The following HEPHL1 variants were observed in gnomAD, a reference collection of about 807,000 sequenced individuals.
HEPHL1 encodes the protein ferroxidase HEPHL1.
HEPHL1 carries 123 observed loss-of-function variants against 122.0 expected under a neutral mutation model. That is an observed-to-expected ratio of 1.01 (90% confidence interval 0.87 to 1.17). The LOEUF (loss-of-function observed/expected upper bound fraction) is 1.17, where lower values mean the gene tolerates loss of function less well. Among genes scored for constraint, HEPHL1 ranks in the 50% most tolerant of loss-of-function variants. The pLI is 0.00. For synonymous variants in HEPHL1, 527 were observed against 508.9 expected (o/e 1.04, Z -0.48); for missense variants, 1,452 against 1,430.5 (o/e 1.01, Z -0.24).
intron 2 of HEPHL1, among the ~76,000 whole-genome samples, chr11:94,053,430 A>AT (rs1046327184): frequency 6.7e-6 from 1 of 149,810 alleles, no homozygotes; most frequent in Non-Finnish European, 1.5e-5. Context: ...TCTATTTTGT[A>AT]TTTTTTTTCT....
rs535406365 is a variant in HEPHL1, at chr11:94,095,189, G to A, written c.2434+1549G>A. Among the ~76,000 whole-genome samples the A allele has an allele frequency of 4.8e-3, 737 of 152,278 alleles. 6 individuals carry two copies. The highest frequency in any genetic ancestry group is 0.017 in the Middle Eastern group (5 of 294). Reference sequence around the variant, plus strand: ...ATTTTTGTATAAGGTGTAAGGAAGGGATCCAGTTTCAGCTTTCTACATATG... The same window carrying A: ...ATTTTTGTATAAGGTGTAAGGAAGGAATCCAGTTTCAGCTTTCTACATATG... On this transcript the variant is annotated intron_variant, in intron 13 of 19. Transcript: ENST00000315765.
intron 2 of HEPHL1, chr11:94,055,216 A>C (rs753117760): frequency 1.1e-5 from 3 of 266,220 alleles, no homozygotes; most frequent in Non-Finnish European, 2.3e-5. Context: ...GATGATGGCC[A>C]CCTTTTTCTG....
In HEPHL1 at chr11:94,114,068, T is replaced by C. The variant is rs145096925; in HGVS notation, c.*2174T>C. Among the ~76,000 whole-genome samples the C allele has an allele frequency of 5.8e-3, 883 of 152,328 alleles. 11 individuals are homozygous for C. The highest frequency in any genetic ancestry group is 0.02 in the African/African-American group (821 of 41,578). On this transcript the variant is annotated 3_prime_UTR_variant, in exon 20 of 20. Transcript: ENST00000315765. ...GACAGTCTCTTCATTTGACTTTGGG[T>C]CTCATTGCTTCTTGCTTTCTCAAGA...
intron 2 of HEPHL1, among the ~76,000 whole-genome samples, chr11:94,050,571 T>A (rs924049570): frequency 5.9e-5 from 9 of 152,150 alleles, no homozygotes; most frequent in African/African-American, 2.2e-4. Flanking sequence ...ATGGGTTGCA[T>A]GAGATATTTT....
intron 11 of HEPHL1, 40 bp downstream of exon 11, chr11:94,086,229 C>T (rs1311877884): frequency 2.1e-6 from 3 of 1,458,384 alleles, no homozygotes; most frequent in African/African-American, 1.4e-5. Flanking sequence ...CAGATTTCTA[C>T]CTTCAGGCTC....
intron 17 of HEPHL1, among the ~76,000 whole-genome samples, chr11:94,110,682 G>T (rs1194210818): frequency 6.6e-6 from 1 of 152,186 alleles, no homozygotes; most frequent in Admixed American, 6.5e-5. Flanking sequence ...CATCATGGAA[G>T]CTGGCTACTA....
rs1342384751 is a variant in HEPHL1 at position 94,073,447 on chromosome 11, T to G, written c.1504+8T>G. The G allele has an allele frequency of 1.9e-6, 3 of 1,551,954 alleles. No individual in the cohort carries two copies. The highest frequency in any genetic ancestry group is 2.6e-6 in the Non-Finnish European group (3 of 1,146,846). On this transcript the variant is annotated splice_region_variant and intron_variant, in intron 8 of 19. Coordinates refer to ENST00000315765, the MANE Select transcript of HEPHL1 (RefSeq NM_001098672.2). ...CAGCCCCAAACCTAGATGGTAAGTCTCACTCTGGGCTTAGGGAGGAAACAG... is the reference window on the plus strand; with the variant it reads ...CAGCCCCAAACCTAGATGGTAAGTCGCACTCTGGGCTTAGGGAGGAAACAG...
chr11:94,088,492 A>G lies in HEPHL1; in HGVS notation c.2081-263A>G, dbSNP rs562071213. On this transcript the variant is annotated intron_variant, in intron 11 of 19. Coordinates refer to ENST00000315765, the MANE Select transcript of HEPHL1 (RefSeq NM_001098672.2). Reference sequence around the variant, plus strand: ...TGTGAATTATATGGGAGACCCAGAAAAGTCATTTCTTGGTAGCAATATTGT... The same window carrying G: ...TGTGAATTATATGGGAGACCCAGAAGAGTCATTTCTTGGTAGCAATATTGT... Among the ~76,000 whole-genome samples the G allele has an allele frequency of 8.5e-5, 13 of 152,184 alleles. No homozygotes were observed. In the South Asian group the frequency reaches 2.7e-3, roughly 32 times the overall value.
At chr11:94,032,921 G>T (rs956657795) in intron 1 of HEPHL1, among the ~76,000 whole-genome samples, 1 of 152,108 alleles carries the variant, frequency 6.6e-6, no homozygotes, top group Non-Finnish European at 1.5e-5. Context: ...AATGCCTCAC[G>T]TGAGCATGCG....
At position 94,086,046 on chromosome 11, in the gene HEPHL1, A is replaced by C. The variant is rs1437933991; in HGVS notation, c.1937A>C (p.His646Pro). The part of the protein sequence containing the change: ...NMCKRDRVSW[H>P]LIGLGTDTDM... ...TGTAAAAGGGATAGAGTTTCCTGGC[A>C]TCTGATTGGATTGGGCACTGACACT... The change falls in exon 11 of 20, where the codon CAT (histidine) becomes CCT (proline). Residue 646 changes from histidine (H) to proline (P), a missense_variant. His to Pro is a moderately conservative substitution (Grantham distance 77). Coordinates refer to ENST00000315765, the MANE Select transcript of HEPHL1 (RefSeq NM_001098672.2). 6.2e-7 allele frequency: 1 copy of C among 1,613,792 alleles called. No homozygotes were observed. The highest frequency in any genetic ancestry group is 2.2e-5 in the East Asian group (1 of 44,882).
intron 1 of HEPHL1, among the ~76,000 whole-genome samples, chr11:94,045,114 C>T (rs1231512790): frequency 1.3e-5 from 2 of 152,114 alleles, no homozygotes; most frequent in Non-Finnish European, 2.9e-5. Flanking sequence ...CACTATGTTG[C>T]CCAGGCTGGT....
intron 5 of HEPHL1, 43 bp downstream of exon 5, chr11:94,067,793 C>T (rs1262955129): frequency 6.3e-7 from 1 of 1,586,872 alleles, no homozygotes; most frequent in Admixed American, 1.7e-5. Flanking sequence ...TAGAATGGTA[C>T]AATCAAACCA....
rs372244115 is a variant in HEPHL1, at chr11:94,093,621, G to A, written c.2415G>A (p.Glu805=). ...FVEIKARPPR[E]EHLELLGPMI... is the part of the protein sequence containing the mutation. ...AGATCAAAGCCCGACCACCACGAGAGGAGCACTTAGAACTCCTGGGTATGG... is the reference window on the plus strand; with the variant it reads ...AGATCAAAGCCCGACCACCACGAGAAGAGCACTTAGAACTCCTGGGTATGG... Residue 805 remains glutamate (E), a synonymous_variant, in exon 13 of 20, where the codon GAG becomes GAA. Coordinates refer to ENST00000315765, the MANE Select transcript of HEPHL1 (RefSeq NM_001098672.2). 5.5e-5 allele frequency: 89 copies of A among 1,613,314 alleles called. No individual in the cohort carries two copies. Among genetic ancestry groups the A allele is most frequent in the Non-Finnish European group, 7.0e-5 (83 of 1,179,764 alleles).
chr11:94,093,773 T>C, intron 13 of HEPHL1, 133 bp downstream of exon 13: 1 of 1,009,476 alleles, frequency 9.9e-7, no homozygotes, highest in Non-Finnish European at 1.4e-6. Context: ...CCTCCAAGTG[T>C]AATATCTTCC....
intron 9 of HEPHL1, among the ~76,000 whole-genome samples, chr11:94,077,013 G>A (rs747957201): frequency 9.2e-5 from 14 of 152,136 alleles, no homozygotes; most frequent in Non-Finnish European, 2.1e-4. Context: ...AATTTACAAA[G>A]AATCTTCATG....
chr11:94,100,721 GT>G (rs1422014321), intron 13 of HEPHL1, among the ~76,000 whole-genome samples: 1 of 151,972 alleles, frequency 6.6e-6, no homozygotes, highest in Non-Finnish European at 1.5e-5. Context: ...CTTATCAAAG[GT>G]TATACACAGG....
rs758109015 is a variant in HEPHL1 at position 94,104,718 on chromosome 11, C to T, written c.2873C>T (p.Thr958Ile). ...AAAGATCCACGAGATTTTAAGCGCA[C>T]TGATGATTTTGAGGAAAGCAACAGA... ...LNKDPRDFKR[T>I]DDFEESNRMH... Residue 958 changes from threonine (T) to isoleucine (I), a missense_variant, in exon 16 of 20, where the codon ACT becomes ATT. By Grantham distance (89) the Thr-to-Ile change is moderately conservative. Transcript: ENST00000315765. 3.7e-6 allele frequency: 6 copies of T among 1,613,546 alleles called. No homozygotes were observed. The highest frequency in any genetic ancestry group is 2.2e-5 in the East Asian group (1 of 44,878).
chr11:94,096,757 G>T (rs918784080), intron 13 of HEPHL1, among the ~76,000 whole-genome samples: 1 of 152,200 alleles, frequency 6.6e-6, no homozygotes, highest in Non-Finnish European at 1.5e-5. Flanking sequence ...GAGGGTGTAT[G>T]TGTCGAGGAA....
chr11:94,033,691 C>T (rs1252875712), intron 1 of HEPHL1, among the ~76,000 whole-genome samples: 1 of 152,108 alleles, frequency 6.6e-6, no homozygotes, highest in East Asian at 1.9e-4. Context: ...CAACACCATC[C>T]CAGCTTTAGC....
Sources: allele counts gnomAD v4.1 joint callset (sites outside exome capture counted in the v4.1 genomes callset), GRCh38; gene constraint gnomAD v4.1.1; transcripts MANE v1.5; gene names NCBI Gene and HGNC (gene_info 2026-07-23, HGNC 2026-07-21).